CCDC85C: variants seen among roughly 807,000 people sequenced by gnomAD.
The protein encoded by CCDC85C is coiled-coil domain containing 85C.
A neutral mutation model predicts 38.3 loss-of-function variants in CCDC85C; 18 were observed. The ratio of observed to expected loss-of-function variants is 0.47; its 90% CI spans 0.33 to 0.70. CCDC85C has a LOEUF of 0.70. CCDC85C is among the 30% of genes least tolerant of loss of function. The pLI is 0.03. For missense variants in CCDC85C, 566 were observed against 621.2 expected, an observed-to-expected ratio of 0.91 and a Z score of 0.94; for synonymous variants, 264 against 293.8, an observed-to-expected ratio of 0.90 and a Z score of 1.04.
At position 99,544,464 on chromosome 14, in the gene CCDC85C, A is replaced by G. The variant is rs1897769325; in HGVS notation, c.794-8376T>C. Among the ~76,000 whole-genome samples the G allele has an allele frequency of 6.6e-6, 1 of 152,054 alleles. No individual in the cohort carries two copies. The highest frequency in any genetic ancestry group is 1.5e-5 in the Non-Finnish European group (1 of 68,000). ...CCATAACCACCCAGTCACAGAACTC[A>G]TAAAAACAGGGCTAAAATTTGAAGG... On this transcript the variant is annotated intron_variant, in intron 1 of 5. Coordinates refer to ENST00000380243, the MANE Select transcript of CCDC85C (RefSeq NM_001144995.2). This position sits in a 1 kb window ranked among gnomAD's most constrained non-coding sequence, Gnocchi z 5.3.
chr14:99,522,058 C>G, intron 3 of CCDC85C, 75 bp downstream of exon 3: 2 of 1,152,810 alleles, frequency 1.7e-6, no homozygotes, highest in Non-Finnish European at 2.5e-6. Context: ...TGTGCCCCTC[C>G]GGGCAGGTCA....
Position 99,500,730 on chromosome 14 carries a change from G to A in CCDC85C, c.*14516C>T. 2.3e-6 allele frequency: 3 copies of A among 1,319,436 alleles called. No individual in the cohort carries two copies. The highest frequency in any genetic ancestry group is 3.2e-6 in the Non-Finnish European group (3 of 934,274). The allele number at this position is 1,319,436 out of a possible 1,614,324, so 81.7% of individuals were successfully genotyped here. A position where few individuals can be genotyped will look rare whatever the true frequency, so the allele number is the denominator to read the frequency against. ...GTAATGCTGCTTGAGACCTGCAATT[G>A]TAATTACTGTCCTAACATTTGTGAT... On this transcript the variant is annotated 3_prime_UTR_variant, in exon 6 of 6. Transcript: ENST00000380243.
intron 1 of CCDC85C, among the ~76,000 whole-genome samples, chr14:99,555,029 G>C (rs1430246655): frequency 1.3e-5 from 2 of 152,252 alleles, no homozygotes; most frequent in Non-Finnish European, 2.9e-5. Context: ...GAACAGACTT[G>C]AAGGTCAGGG....
chr14:99,501,858 C>T lies in CCDC85C; in HGVS notation c.*13388G>A, dbSNP rs1444183559. The T allele has an allele frequency of 4.3e-6, 1 of 232,404 alleles. No homozygotes were observed. Among genetic ancestry groups the T allele is most frequent in the African/African-American group, 2.3e-5 (1 of 43,306 alleles). The allele number at this position is 232,404 out of a possible 1,614,324, so 14.4% of individuals were successfully genotyped here. On this transcript the variant is annotated 3_prime_UTR_variant, in exon 6 of 6. Transcript: ENST00000380243. ...CCCCATCCCACTGCAGTCAGTGAAG[C>T]TTCTCTTACATTTGACTTCCTCCAT...
chr14:99,501,887 A>T lies in CCDC85C; in HGVS notation c.*13359T>A. On this transcript the variant is annotated 3_prime_UTR_variant, in exon 6 of 6. Coordinates refer to ENST00000380243, the MANE Select transcript of CCDC85C (RefSeq NM_001144995.2). ...TCTTACATTTGACTTCCTCCATAAG[A>T]TTTCATTTGAAGAAACAGTTGAGTG... is the stretch of plus-strand genomic sequence containing the variant. 4.1e-6 allele frequency: 1 copy of T among 241,740 alleles called. No individual in the cohort carries two copies. Among genetic ancestry groups the T allele is most frequent in the Non-Finnish European group, 7.9e-6 (1 of 126,198 alleles). 15.0% of individuals were successfully genotyped at this position (241,740 alleles called of 1,614,324 possible).
chr14:99,552,629 G>C (rs548680061), intron 1 of CCDC85C, among the ~76,000 whole-genome samples: 4 of 152,312 alleles, frequency 2.6e-5, no homozygotes, highest in East Asian at 3.9e-4. Context: ...AGCTGTTGCT[G>C]TCTGAGGTGT....
At chr14:99,563,807 T>C (rs1015615376) in intron 1 of CCDC85C, among the ~76,000 whole-genome samples, 2 of 152,262 alleles carry the variant, frequency 1.3e-5, no homozygotes, top group African/African-American at 4.8e-5. Context: ...AAGGAATAAA[T>C]TCACTGTGCC....
At chr14:99,537,680 C>T (rs992701740) in intron 1 of CCDC85C, among the ~76,000 whole-genome samples, 1 of 152,174 alleles carries the variant, frequency 6.6e-6, no homozygotes, top group African/African-American at 2.4e-5. Context: ...CCCAGCCTCC[C>T]CGCCCTGCCA....
chr14:99,588,098 G>C lies in CCDC85C; in HGVS notation c.793+15069C>G, dbSNP rs1330456041. Among the ~76,000 whole-genome samples, 1 of 152,146 alleles carries C rather than the reference G, an allele frequency of 6.6e-6. No individual in the cohort carries two copies. The highest frequency in any genetic ancestry group is 6.5e-5 in the Admixed American group (1 of 15,290). On this transcript the variant is annotated intron_variant, in intron 1 of 5. Coordinates refer to ENST00000380243, the MANE Select transcript of CCDC85C (RefSeq NM_001144995.2). The surrounding 1 kb of genome is among the most constrained non-coding windows in gnomAD (Gnocchi z 5.0). ...GGCCTCCTGGGCCGGATTCCCCACT[G>C]GGTCTGTCGTCCCCAGTTCCTCCAG...
chr14:99,558,141 C>T lies in CCDC85C; in HGVS notation c.794-22053G>A, dbSNP rs921825833. On this transcript the variant is annotated intron_variant, in intron 1 of 5. Transcript: ENST00000380243. This position sits in a 1 kb window ranked among gnomAD's most constrained non-coding sequence, Gnocchi z 4.2. ...GTTTCTCAGGGTCTCCTTGAAACCA[C>T]GAGGTTTCCAGTGTGGACTGATGGC... Among the ~76,000 whole-genome samples, 2 of 152,148 alleles carry T rather than the reference C, an allele frequency of 1.3e-5. No homozygotes were observed. The highest frequency in any genetic ancestry group is 6.5e-5 in the Admixed American group (1 of 15,270).
intron 1 of CCDC85C, among the ~76,000 whole-genome samples, chr14:99,591,054 G>A (rs537847812): frequency 3.3e-5 from 5 of 152,326 alleles, no homozygotes; most frequent in Admixed American, 1.3e-4. Context: ...CAGAGGACAG[G>A]AGGGGAGGAT....
chr14:99,534,720 C>G (rs1248417253), intron 2 of CCDC85C: 9 of 702,410 alleles, frequency 1.3e-5, no homozygotes, highest in Non-Finnish European at 2.1e-5. Flanking sequence ...CAATGGAAGG[C>G]TGGCGTCTAG....
At chr14:99,601,053 A>G (rs1292851152) in intron 1 of CCDC85C, among the ~76,000 whole-genome samples, 1 of 152,192 alleles carries the variant, frequency 6.6e-6, no homozygotes, top group Non-Finnish European at 1.5e-5. Flanking sequence ...AAGAAAGAAC[A>G]GCTCAGTTTC....
At position 99,503,482 on chromosome 14, in the gene CCDC85C, G is replaced by T. The variant is rs985511062; in HGVS notation, c.*11764C>A. On this transcript the variant is annotated 3_prime_UTR_variant, in exon 6 of 6. Coordinates refer to ENST00000380243, the MANE Select transcript of CCDC85C (RefSeq NM_001144995.2). ...TGGTTTGCCCTGAAAGTTCAGGCTAGAAATAATTTTTGTCCGAGGCTGTTC... is the reference window on the plus strand; with the variant it reads ...TGGTTTGCCCTGAAAGTTCAGGCTATAAATAATTTTTGTCCGAGGCTGTTC... 1.4e-6 allele frequency: 1 copy of T among 725,372 alleles called. No homozygotes were observed. Among genetic ancestry groups the T allele is most frequent in the Non-Finnish European group, 2.3e-6 (1 of 427,580 alleles). The allele number at this position is 725,372 out of a possible 1,614,324, so 44.9% of individuals were successfully genotyped here.
rs937175561 is a variant in CCDC85C, at chr14:99,509,555, GCACACA to G, written c.*5685_*5690del. The G allele has an allele frequency of 1.4e-5, 2 of 144,612 alleles. No individual in the cohort carries two copies. The highest frequency in any genetic ancestry group is 6.4e-5 in the African/African-American group (2 of 31,228). The allele number at this position is 144,612 out of a possible 1,614,324, so 9.0% of individuals were successfully genotyped here. On this transcript the variant is annotated 3_prime_UTR_variant, in exon 6 of 6. Transcript: ENST00000380243. ...TGCAGCACGCACGCAGCACGCACAC[GCACACA>G]CATGCACACACTCCTCTCAAGGAGG...
intron 2 of CCDC85C, among the ~76,000 whole-genome samples, chr14:99,526,679 G>C (rs1236318485): frequency 2.0e-5 from 3 of 152,228 alleles, no homozygotes; most frequent in African/African-American, 7.2e-5. Context: ...ACGAAGCACT[G>C]TGGGAGCTCC....
chr14:99,507,238 T>C lies in CCDC85C; in HGVS notation c.*8008A>G. 1.2e-6 allele frequency: 1 copy of C among 822,614 alleles called. No individual in the cohort carries two copies. Among genetic ancestry groups the C allele is most frequent in the South Asian group, 1.3e-5 (1 of 74,522 alleles). The allele number at this position is 822,614 out of a possible 1,614,324, so 51.0% of individuals were successfully genotyped here. On this transcript the variant is annotated 3_prime_UTR_variant, in exon 6 of 6. Transcript: ENST00000380243. ...TCCTGGGAACTTAGAAAAGGGAGAC[T>C]GGGGCCCAGATTGACAATGTCAGCC...
chr14:99,567,340 G>T lies in CCDC85C; in HGVS notation c.794-31252C>A, dbSNP rs560806562. Among the ~76,000 whole-genome samples the T allele has an allele frequency of 4.9e-4, 74 of 152,288 alleles. 1 individual carries two copies. The South Asian group carries it at 0.011, about 23-fold the overall frequency. On this transcript the variant is annotated intron_variant, in intron 1 of 5. Coordinates refer to ENST00000380243, the MANE Select transcript of CCDC85C (RefSeq NM_001144995.2). ...ATGGGACTTCTGGTCGCCCCAGGGG[G>T]GTCACAGGAGGGACAGAAGTTTTTC...
rs1421257413 is a variant in CCDC85C at position 99,503,943 on chromosome 14, G to A, written c.*11303C>T. Reference sequence around the variant, plus strand: ...AACTGTTGCTGCAATTTTATTTTTAGAGACTATTTACCCCCATCACAGCAG... The same window carrying A: ...AACTGTTGCTGCAATTTTATTTTTAAAGACTATTTACCCCCATCACAGCAG... On this transcript the variant is annotated 3_prime_UTR_variant, in exon 6 of 6. Coordinates refer to ENST00000380243, the MANE Select transcript of CCDC85C (RefSeq NM_001144995.2). 21 of 405,090 alleles carry A rather than the reference G, an allele frequency of 5.2e-5. No individual in the cohort carries two copies. Among genetic ancestry groups the A allele is most frequent in the Non-Finnish European group, 8.6e-5 (19 of 220,892 alleles). 25.1% of individuals were successfully genotyped at this position (405,090 alleles called of 1,614,324 possible).
Sources: allele counts gnomAD v4.1 joint callset (sites outside exome capture counted in the v4.1 genomes callset), GRCh38; gene constraint gnomAD v4.1.1; non-coding constraint Gnocchi (gnomAD v3.1); transcripts MANE v1.5; gene names NCBI Gene and HGNC (gene_info 2026-07-23, HGNC 2026-07-21).